ASPM: variants seen among roughly 807,000 people sequenced by gnomAD.
ASPM encodes the protein assembly factor for spindle microtubules.
ASPM carries 256 observed loss-of-function variants against 366.4 expected under a neutral mutation model. The observed-to-expected ratio is 0.70, with a 90% CI of 0.63 to 0.77. ASPM has a LOEUF of 0.77. Among genes scored for constraint, ASPM ranks in the 30% least tolerant of loss-of-function variants. ASPM has a pLI of 0.00. For missense variants in ASPM, 4,146 were observed against 4,090.4 expected (o/e 1.01, Z -0.37); for synonymous variants, 1,414 against 1,342.9 (o/e 1.05, Z -1.16).
Position 197,093,749 on chromosome 1 carries a change from A to T in ASPM, c.9084+335T>A, listed in dbSNP as rs143578609. On this transcript the variant is annotated intron_variant, in intron 20 of 27. Coordinates refer to ENST00000367409, the MANE Select transcript of ASPM (RefSeq NM_018136.5). ...AAAGTGAGCACATGATGCTGGAAAT[A>T]TGGCACCAACAGACTTGCTCAACAC... 7.3e-3 allele frequency among the ~76,000 whole-genome samples: 1,107 copies of T among 151,948 alleles called. 12 individuals are homozygous for T. Among genetic ancestry groups the T allele is most frequent in the African/African-American group, 0.025 (1,057 of 41,516 alleles).
chr1:197,124,389 C>A, intron 12 of ASPM, 58 bp from the exon 13 acceptor site: 2 of 1,230,058 alleles, frequency 1.6e-6, no homozygotes, highest in Non-Finnish European at 2.3e-6. Context: ...TTATTTTTAA[C>A]CCACAGAAAT....
chr1:197,116,523 T>C (rs75117458), intron 17 of ASPM, among the ~76,000 whole-genome samples: 6,303 of 152,160 alleles, frequency 0.041, 441 homozygotes, highest in African/African-American at 0.14. Flanking sequence ...CGTAAAACAC[T>C]CAATAGCTGC....
intron 22 of ASPM, 69 bp from the exon 23 acceptor site, chr1:197,091,110 C>T: frequency 8.2e-7 from 1 of 1,215,042 alleles, no homozygotes; most frequent in Non-Finnish European, 1.2e-6. Flanking sequence ...TACAAATATA[C>T]ATTTATACAT....
At chr1:197,088,547 C>T in intron 25 of ASPM, 115 bp from the exon 26 acceptor site, 8 of 846,470 alleles carry the variant, frequency 9.5e-6, no homozygotes, top group South Asian at 1.6e-5. Context: ...ATTTTTGGAC[C>T]ACCTGCAGCA....
In ASPM at chr1:197,096,003, T is replaced by A. The variant is rs747401321; in HGVS notation, c.8982A>T (p.Arg2994Ser). The change falls in exon 19 of 28, where the codon AGA becomes AGT. Residue 2994 changes from arginine (R) to serine (S), a missense_variant. Transcript: ENST00000367409. ...ACAGAACTATGATACATTACCGTGT[T>A]CTCTCTAGTTTGGTATAGAAGCAAC... is the stretch of plus-strand genomic sequence containing the variant. ...IQGCFYTKLE[R>S]TRFLNVRASA... The A allele has an allele frequency of 6.2e-7, 1 of 1,606,480 alleles. No individual in the cohort carries two copies. Among genetic ancestry groups the A allele is most frequent in the Non-Finnish European group, 8.5e-7 (1 of 1,174,254 alleles).
intron 18 of ASPM, among the ~76,000 whole-genome samples, chr1:197,096,585 G>T (rs189462042): frequency 3.5e-4 from 53 of 151,874 alleles, no homozygotes; most frequent in African/African-American, 1.2e-3. Flanking sequence ...TTCACTTTGG[G>T]TTCTGTGTTC....
At chr1:197,133,736 T>G in intron 5 of ASPM, 141 bp from the exon 6 acceptor site, 1 of 937,826 alleles carries the variant, frequency 1.1e-6, no homozygotes, top group Non-Finnish European at 1.6e-6. Context: ...TAGGCCAATC[T>G]ATCATCGCAA....
chr1:197,107,992 C>T (rs1657462704), intron 17 of ASPM, among the ~76,000 whole-genome samples: 2 of 152,052 alleles, frequency 1.3e-5, no homozygotes, highest in South Asian at 4.1e-4. Flanking sequence ...GATATACCAA[C>T]CTCTGACCAT....
chr1:197,098,175 A>G (rs1411046579), intron 18 of ASPM, among the ~76,000 whole-genome samples: 2 of 142,116 alleles, frequency 1.4e-5, no homozygotes, highest in African/African-American at 4.9e-5. Context: ...CCCAAATGCT[A>G]CAGAGAAGTT....
At chr1:197,131,796 C>A (rs544411560) in intron 7 of ASPM, among the ~76,000 whole-genome samples, 1 of 151,418 alleles carries the variant, frequency 6.6e-6, no homozygotes, top group East Asian at 2.0e-4. Context: ...CCTGACCTCA[C>A]GATCAGCTCA....
chr1:197,124,782 G>T (rs1160560581), intron 12 of ASPM, 88 bp downstream of exon 12: 10 of 1,064,844 alleles, frequency 9.4e-6, no homozygotes, highest in African/African-American at 1.6e-5. Context: ...GATGGTTGTT[G>T]TTGTTATTCT....
chr1:197,117,817 A>C lies in ASPM; in HGVS notation c.4037T>G (p.Val1346Gly). ...LMLKKEKLEK[V>G]QNKAASLIQG... Reference sequence around the variant, plus strand: ...AATAAGTGATGCTGCTTTATTTTGAACTTTTTCCAGCTTTTCCTTTTTTAA... The same window carrying C: ...AATAAGTGATGCTGCTTTATTTTGACCTTTTTCCAGCTTTTCCTTTTTTAA... Residue 1346 changes from valine (V) to glycine (G), a missense_variant, in exon 17 of 28, where the codon GTT becomes GGT. Physicochemically the swap from Val to Gly is moderately radical, Grantham distance 109. Around this residue, in one of 3 missense-constraint regions of ASPM, gnomAD observed 3,624 missense variants for 3,591.7 expected, o/e 1.01. Transcript: ENST00000367409. 1 of 1,612,784 alleles carries C rather than the reference A, an allele frequency of 6.2e-7. No individual in the cohort carries two copies. Among genetic ancestry groups the C allele is most frequent in the Non-Finnish European group, 8.5e-7 (1 of 1,179,434 alleles).
chr1:197,100,874 T>C lies in ASPM; in HGVS notation c.8377A>G (p.Met2793Val). The change falls in exon 18 of 28, where the codon ATG becomes GTG. Residue 2793 changes from methionine (M) to valine (V), a missense_variant. By Grantham distance (21) the Met-to-Val change is conservative. Coordinates refer to ENST00000367409, the MANE Select transcript of ASPM (RefSeq NM_018136.5). ...QYEAVQSEGV[M>V]IQEWYKASGL... ...GAAGCTTTATACCACTCTTGAATCA[T>C]AACACCTTCACTTTGAACAGCTTCA... 1.2e-6 allele frequency: 2 copies of C among 1,612,678 alleles called. No individual in the cohort carries two copies. Among genetic ancestry groups the C allele is most frequent in the Non-Finnish European group, 1.7e-6 (2 of 1,179,138 alleles).
At position 197,121,857 on chromosome 1, in the gene ASPM, C is replaced by T. The variant is rs979423321; in HGVS notation, c.3870+58G>A. ...ATGTAAAATCATATCAAAAATCAAT[C>T]AACAAATACCTTCTAAAGTATAATT... On this transcript the variant is annotated intron_variant, in intron 16 of 27. Transcript: ENST00000367409. 5.9e-6 allele frequency: 9 copies of T among 1,533,268 alleles called. No individual in the cohort carries two copies. In the Admixed American group the frequency reaches 1.5e-4, roughly 26 times the overall value. The allele number at this position is 1,533,268 out of a possible 1,614,324, so 95.0% of individuals were successfully genotyped here.
In ASPM at chr1:197,102,243, C is replaced by A. The variant is rs545350240; in HGVS notation, c.7008G>T (p.Arg2336Ser). Residue 2336 changes from arginine to serine, a missense_variant, in exon 18 of 28, where the codon AGG (arginine) becomes AGT (serine). Arg to Ser is a moderately radical substitution (Grantham distance 110). Coordinates refer to ENST00000367409, the MANE Select transcript of ASPM (RefSeq NM_018136.5). ...MIRKRMREMH[R>S]AATFIQSTFR... is the part of the protein sequence containing the mutation. ...AAGTAGACTGGATGAAAGTAGCAGC[C>A]CTGTGCATCTCTCGCATCCTTTTCC... The A allele has an allele frequency of 1.2e-6, 2 of 1,612,662 alleles. No individual in the cohort carries two copies. The highest frequency in any genetic ancestry group is 2.7e-5 in the African/African-American group (2 of 74,768).
intron 4 of ASPM, chr1:197,138,607 C>T: frequency 2.3e-6 from 1 of 432,372 alleles, no homozygotes; most frequent in South Asian, 2.1e-5. Flanking sequence ...TAGGAGTTCA[C>T]ACTTTAGTTA....
chr1:197,111,231 TCAAAAAA>T (rs1465082853), intron 17 of ASPM, among the ~76,000 whole-genome samples: 1 of 151,734 alleles, frequency 6.6e-6, no homozygotes, highest in Non-Finnish European at 1.5e-5. Flanking sequence ...GGAACTTAAT[TCAAAAAA>T]CAAAAAACAA....
intron 10 of ASPM, 146 bp from the exon 11 acceptor site, chr1:197,125,337 C>CTGT: frequency 9.9e-7 from 1 of 1,005,246 alleles, no homozygotes; most frequent in Non-Finnish European, 1.5e-6. Context: ...TCTCAAAACT[C>CTGT]TGTTGCTCCA....
Position 197,124,289 on chromosome 1 carries a change from C to T in ASPM, c.3211G>A (p.Ala1071Thr), listed in dbSNP as rs538794938. ...ATACTCTTTGTGTGTTTTAGAAAGG[C>T]AATTTCTTCCTTTAATTGATCTAAG... The part of the protein sequence containing the change: ...LNLDQLKEEI[A>T]FLKHTKSIKK... Residue 1071 changes from alanine to threonine, a missense_variant, in exon 13 of 28, where the codon GCC (alanine) becomes ACC (threonine). Transcript: ENST00000367409. The T allele has an allele frequency of 1.3e-6, 2 of 1,597,350 alleles. No homozygotes were observed. Among genetic ancestry groups the T allele is most frequent in the South Asian group, 2.2e-5 (2 of 90,204 alleles).
Sources: gnomAD v4.1 joint callset for allele counts (sites outside exome capture counted in the v4.1 genomes callset) on GRCh38, gnomAD v4.1.1 for gene constraint, gnomAD v4.1.1 regional missense constraint, MANE v1.5 for transcripts, NCBI Gene and HGNC (gene_info 2026-07-23, HGNC 2026-07-21) for gene names.